ANAPC4: variants seen among roughly 807,000 people sequenced by gnomAD.
ANAPC4 encodes the protein anaphase promoting complex subunit 4.
ANAPC4 carries 63 observed loss-of-function variants against 119.8 expected under a neutral mutation model. The ratio of observed to expected loss-of-function variants is 0.53; its 90% CI spans 0.43 to 0.65. The LOEUF (loss-of-function observed/expected upper bound fraction) is 0.65, where lower values mean the gene tolerates loss of function less well. Among genes scored for constraint, ANAPC4 ranks in the 30% least tolerant of loss-of-function variants. The pLI is 0.00. For synonymous variants in ANAPC4, 283 were observed against 318.6 expected, an observed-to-expected ratio of 0.89 and a Z score of 1.19; for missense variants, 716 against 945.1, an observed-to-expected ratio of 0.76 and a Z score of 3.18.
chr4:25,394,287 A>AT (rs753889415), intron 11 of ANAPC4, 23 bp from the exon 12 acceptor site: 578 of 1,540,622 alleles, frequency 3.8e-4, no homozygotes, highest in Admixed American at 7.0e-4. Flanking sequence ...ATATATCACA[A>AT]TTTTTTTTTC....
intron 14 of ANAPC4, among the ~76,000 whole-genome samples, chr4:25,396,454 T>A (rs1180126761): frequency 1.3e-5 from 2 of 152,226 alleles, no homozygotes; most frequent in East Asian, 3.8e-4. Context: ...CTTACAAAAT[T>A]TGATCTTGTC....
At chr4:25,415,581 T>C (rs370710487) in intron 26 of ANAPC4, 41 bp downstream of exon 26, 1 of 1,536,304 alleles carries the variant, frequency 6.5e-7, no homozygotes, top group Non-Finnish European at 9.0e-7. Context: ...TAGATACATG[T>C]GATATGTGTA....
intron 16 of ANAPC4, among the ~76,000 whole-genome samples, chr4:25,401,607 C>G (rs1722979876): frequency 6.6e-6 from 1 of 152,232 alleles, no homozygotes; most frequent in Admixed American, 6.5e-5. Context: ...TCCTTCCCAG[C>G]TGCCCTCTCC....
chr4:25,391,124 A>G, intron 9 of ANAPC4, 109 bp downstream of exon 9: 1 of 775,658 alleles, frequency 1.3e-6, no homozygotes. Flanking sequence ...AAATAATGCA[A>G]AAAAATCGAC....
chr4:25,383,498 A>C, intron 4 of ANAPC4, 105 bp downstream of exon 4: 3 of 1,143,636 alleles, frequency 2.6e-6, no homozygotes, highest in Non-Finnish European at 3.5e-6. Flanking sequence ...CGTTGTATTT[A>C]AATTTTGGTT....
At chr4:25,377,914 A>G (rs899385599) in intron 2 of ANAPC4, among the ~76,000 whole-genome samples, 1 of 152,264 alleles carries the variant, frequency 6.6e-6, no homozygotes, top group Non-Finnish European at 1.5e-5. Context: ...TGAGCTAGAC[A>G]TAATGGTAGA....
In ANAPC4 at chr4:25,405,634, T is replaced by G; in HGVS notation, c.1317+15T>G. ...AGCTGAATAAGGTAGTATGTACTAG[T>G]GCATTTTCACAGTGTTCACATTGTC... On this transcript the variant is annotated intron_variant, in intron 18 of 28. Coordinates refer to ENST00000315368, the MANE Select transcript of ANAPC4 (RefSeq NM_013367.3). The surrounding 1 kb of genome is among the most constrained non-coding windows in gnomAD (Gnocchi z 4.6). 1 of 1,612,714 alleles carries G rather than the reference T, an allele frequency of 6.2e-7. No homozygotes were observed. The highest frequency in any genetic ancestry group is 8.5e-7 in the Non-Finnish European group (1 of 1,178,918).
chr4:25,406,847 A>T lies in ANAPC4; in HGVS notation c.1336A>T (p.Thr446Ser). The stretch of plus-strand genomic sequence containing the variant: ...TTGATAGATGACTCAGAAAGATATC[A>T]CATTTGTTGCTGAATTTCTTACTGA... ...ELNKMTQKDI[T>S]FVAEFLTEHF... Residue 446 changes from threonine to serine, a missense_variant, in exon 19 of 29, where the codon ACA becomes TCA. Physicochemically the swap from Thr to Ser is moderately conservative, Grantham distance 58 (BLOSUM62 1). Transcript: ENST00000315368. The T allele has an allele frequency of 6.2e-7, 1 of 1,604,416 alleles. No individual in the cohort carries two copies. The highest frequency in any genetic ancestry group is 1.1e-5 in the South Asian group (1 of 88,398).
intron 3 of ANAPC4, among the ~76,000 whole-genome samples, chr4:25,382,183 G>A (rs904941505): frequency 7.9e-5 from 12 of 151,934 alleles, no homozygotes; most frequent in Non-Finnish European, 1.2e-4. Flanking sequence ...TGTTAATTGC[G>A]TACTAACCCA....
At chr4:25,408,867 A>T (rs866995280) in intron 20 of ANAPC4, among the ~76,000 whole-genome samples, 1 of 152,176 alleles carries the variant, frequency 6.6e-6, no homozygotes. Flanking sequence ...AAAAGTTCCT[A>T]TGTATAACTC....
intron 16 of ANAPC4, among the ~76,000 whole-genome samples, chr4:25,400,552 A>G (rs552070277): frequency 1.1e-4 from 17 of 152,168 alleles, no homozygotes; most frequent in Non-Finnish European, 1.9e-4. Flanking sequence ...CAGGAGATCG[A>G]GTGCACTAAT....
At chr4:25,411,222 G>T (rs1379284615) in intron 21 of ANAPC4, among the ~76,000 whole-genome samples, 5 of 152,160 alleles carry the variant, frequency 3.3e-5, no homozygotes, top group Non-Finnish European at 7.4e-5. Context: ...AGGATGCCCA[G>T]GGAATAAGGC....
chr4:25,399,553 A>G (rs1280513396), intron 16 of ANAPC4, among the ~76,000 whole-genome samples: 2 of 152,038 alleles, frequency 1.3e-5, no homozygotes, highest in African/African-American at 4.8e-5. Context: ...CATAATTGGT[A>G]TGTCCTTCTC....
rs374375150 is a variant in ANAPC4, at chr4:25,418,399, T to C, written c.*17T>C. 3.7e-5 allele frequency: 60 copies of C among 1,611,482 alleles called. No individual in the cohort carries two copies. Among genetic ancestry groups the C allele is most frequent in the East Asian group, 2.9e-4 (13 of 44,844 alleles). The stretch of plus-strand genomic sequence containing the variant: ...GACTCCTAATCTAGCTTGCCATTAT[T>C]GTGTGTGTAATTATGGCCAAAAGGA... On this transcript the variant is annotated 3_prime_UTR_variant, in exon 29 of 29. Transcript: ENST00000315368.
Position 25,414,606 on chromosome 4 carries a change from A to G in ANAPC4, c.1732A>G (p.Asn578Asp), listed in dbSNP as rs867834394. Residue 578 changes from asparagine to aspartate, a missense_variant, in exon 25 of 29, where the codon AAT becomes GAT. Physicochemically the swap from Asn to Asp is conservative, Grantham distance 23 (BLOSUM62 1). This residue lies in a region of ANAPC4 where 504 missense variants were observed against 615.8 expected (regional missense o/e 0.82). Transcript: ENST00000315368. ...RLFKFPFLWN[N>D]KTSNLHYLLF... ...GACAATTTTTTTTCTTAGGTGGAATAATAAAACTTCAAATCTACATTATCT... is the reference window on the plus strand; with the variant it reads ...GACAATTTTTTTTCTTAGGTGGAATGATAAAACTTCAAATCTACATTATCT... The G allele has an allele frequency of 6.4e-7, 1 of 1,554,196 alleles. No individual in the cohort carries two copies. The highest frequency in any genetic ancestry group is 1.2e-5 in the South Asian group (1 of 84,010).
At chr4:25,395,108 C>T (rs1222819771) in intron 14 of ANAPC4, 2 of 505,952 alleles carry the variant, frequency 4.0e-6, no homozygotes, top group East Asian at 3.3e-5. Context: ...AATTTTCCAA[C>T]ATCTTTTCAC....
chr4:25,404,684 A>G (rs1723161646), intron 17 of ANAPC4, among the ~76,000 whole-genome samples: 2 of 152,132 alleles, frequency 1.3e-5, no homozygotes, highest in South Asian at 4.2e-4. Context: ...TAGAAAGCAC[A>G]CTGGATTGGA....
intron 14 of ANAPC4, 57 bp downstream of exon 14, chr4:25,394,962 CT>C: frequency 7.7e-7 from 1 of 1,294,408 alleles, no homozygotes; most frequent in Admixed American, 2.2e-5. Flanking sequence ...TGGCGTTGGC[CT>C]TCTTTCCGCC....
At chr4:25,414,542 A>G (rs1257393091) in intron 24 of ANAPC4, 38 bp downstream of exon 24, 2 of 1,579,752 alleles carry the variant, frequency 1.3e-6, no homozygotes, top group East Asian at 4.5e-5. Flanking sequence ...AGTGAACAAT[A>G]CAATTTTGTT....
Sources: allele counts gnomAD v4.1 joint callset (sites outside exome capture counted in the v4.1 genomes callset), GRCh38; gene constraint gnomAD v4.1.1; regional missense constraint gnomAD v4.1.1; non-coding constraint Gnocchi (gnomAD v3.1); transcripts MANE v1.5; gene names NCBI Gene and HGNC (gene_info 2026-07-23, HGNC 2026-07-21).